METTL17: variants seen among roughly 807,000 people sequenced by gnomAD.
METTL17 encodes methyltransferase like 17.
Under a neutral mutation model 59.4 loss-of-function variants are expected in METTL17, and 49 were observed. That is an observed-to-expected ratio of 0.82 (90% CI 0.66 to 1.05). The LOEUF is 1.05. METTL17 is among the 50% of genes least tolerant of loss of function. METTL17 has a pLI of 0.00. For missense variants in METTL17, 555 were observed against 578.4 expected (o/e 0.96, Z 0.41); for synonymous variants, 208 against 209.2 (o/e 0.99, Z 0.05).
intron 6 of METTL17, chr14:20,993,760 A>C (rs941808289): frequency 4.7e-5 from 17 of 364,148 alleles, no homozygotes. Context: ...AGCATGAGCC[A>C]CTGTGCCCAG....
chr14:20,994,479 G>T, intron 7 of METTL17, 64 bp from the exon 8 acceptor site: 1 of 1,340,968 alleles, frequency 7.5e-7, no homozygotes, highest in South Asian at 1.2e-5. Flanking sequence ...TTCTTATCTG[G>T]ATATCTCTTC....
Position 20,996,263 on chromosome 14 carries a change from C to A in METTL17, c.1051C>A (p.Gln351Lys). 6.2e-7 allele frequency: 1 copy of A among 1,614,160 alleles called. No homozygotes were observed. The highest frequency in any genetic ancestry group is 8.5e-7 in the Non-Finnish European group (1 of 1,180,032). Reference protein sequence around the residue: ...QLTNLACSFSQAYHPIPFSWN... With the variant: ...QLTNLACSFSKAYHPIPFSWN... ...GACCAACCTGGCCTGTAGCTTCTCA[C>A]AGGCGTACCATCCCATCCCCTTCAG... Residue 351 changes from glutamine to lysine, a missense_variant, in exon 12 of 14, where the codon CAG becomes AAG. Coordinates refer to ENST00000339374, the MANE Select transcript of METTL17 (RefSeq NM_022734.3).
chr14:20,991,374 TC>T (rs1252945114), intron 3 of METTL17, among the ~76,000 whole-genome samples: 3 of 152,160 alleles, frequency 2.0e-5, no homozygotes, highest in Non-Finnish European at 4.4e-5. Flanking sequence ...TCACAGTAGT[TC>T]AGTAGATACT....
chr14:20,994,842 AG>A lies in METTL17; in HGVS notation c.818del (p.Ser273ThrfsTer8), dbSNP rs1204795725. 1.2e-6 allele frequency: 2 copies of A among 1,614,072 alleles called. No homozygotes were observed. The highest frequency in any genetic ancestry group is 1.7e-6 in the Non-Finnish European group (2 of 1,180,028). ...AGCTTTTTCCTTAAGTGAACTGCCC[AG>A]CAAGGCTGACCGCACTGAGGTAGTT... is the stretch of plus-strand genomic sequence containing the variant. ...VSAFSLSELP[S>X]KADRTEVVQT... is the part of the protein sequence containing the mutation. On this transcript the variant is annotated frameshift_variant, in exon 9 of 14. Transcript: ENST00000339374. LOFTEE classifies it high-confidence loss of function.
intron 9 of METTL17, 78 bp from the exon 10 acceptor site, chr14:20,995,087 A>C (rs1204872663): frequency 2.2e-6 from 3 of 1,375,284 alleles, no homozygotes; most frequent in African/African-American, 1.4e-5. Flanking sequence ...TCCCTCTATG[A>C]TTGCTCTTAC....
intron 3 of METTL17, chr14:20,991,908 T>G: frequency 2.1e-6 from 1 of 470,164 alleles, no homozygotes; most frequent in Non-Finnish European, 3.8e-6. Flanking sequence ...GAATAAACCA[T>G]TCTTATAAAT....
At chr14:20,995,046 T>C in intron 9 of METTL17, 119 bp from the exon 10 acceptor site, 1 of 1,146,594 alleles carries the variant, frequency 8.7e-7, no homozygotes, top group Non-Finnish European at 1.3e-6. Flanking sequence ...ATCCTGATTA[T>C]GTAATGCCTA....
At chr14:20,994,405 A>C (rs1594342915) in intron 7 of METTL17, 138 bp from the exon 8 acceptor site, 1 of 763,250 alleles carries the variant, frequency 1.3e-6, no homozygotes, top group South Asian at 1.7e-5. Context: ...ACAGGCACGC[A>C]CCGCCATACC....
In METTL17 at chr14:20,993,414, TAAAAAG is replaced by T. The variant is rs1880147483; in HGVS notation, c.602+228_602+233del. ...AAAAAAGGCGCATGTGTAGAAAAAT[TAAAAAG>T]AAAAGGAATTATCAATCAAAGTTGT... On this transcript the variant is annotated intron_variant, in intron 6 of 13. Transcript: ENST00000339374. The T allele has an allele frequency of 8.2e-6, 4 of 487,596 alleles. No individual in the cohort carries two copies. In the South Asian group the frequency reaches 1.2e-4, roughly 15 times the overall value. The allele number at this position is 487,596 out of a possible 1,614,324, so 30.2% of individuals were successfully genotyped here. A position where few individuals can be genotyped will look rare whatever the true frequency, so the allele number is the denominator to read the frequency against.
rs758191043 is a variant in METTL17 at position 20,990,499 on chromosome 14, A to G, written c.265A>G (p.Thr89Ala). Residue 89 changes from threonine to alanine, a missense_variant, in exon 3 of 14, where the codon ACA becomes GCA. By Grantham distance (58) the Thr-to-Ala change is moderately conservative. Transcript: ENST00000339374. ...GCCCACTATGGAGAATCAGGTGCAA[A>G]CACTGACCAGTTATCTCTGGAGCAG... ...AGPTMENQVQ[T>A]LTSYLWSRHL... is the part of the protein sequence containing the mutation. 1 of 1,614,214 alleles carries G rather than the reference A, an allele frequency of 6.2e-7. No individual in the cohort carries two copies. The highest frequency in any genetic ancestry group is 8.5e-7 in the Non-Finnish European group (1 of 1,180,036).
rs1879941396 is a variant in METTL17 at position 20,990,055 on chromosome 14, T to C, written c.53T>C (p.Leu18Pro). 1.9e-6 allele frequency: 3 copies of C among 1,613,450 alleles called. No homozygotes were observed. The highest frequency in any genetic ancestry group is 2.7e-5 in the African/African-American group (2 of 75,048). Residue 18 changes from leucine (L) to proline (P), a missense_variant, in exon 1 of 14, where the codon CTT becomes CCT. Physicochemically the swap from Leu to Pro is moderately conservative, Grantham distance 98. Transcript: ENST00000339374. The part of the protein sequence containing the change: ...LLTLGRWCPG[L>P]GVAPQARALA... ...ACATTAGGAAGATGGTGCCCCGGCC[T>C]TGGAGTGGCTCCCCAGGCCCGGGTG...
chr14:20,990,259 C>T lies in METTL17; in HGVS notation c.105C>T (p.Thr35=), dbSNP rs1459655261. The T allele has an allele frequency of 5.0e-6, 8 of 1,614,222 alleles. No homozygotes were observed. The highest frequency in any genetic ancestry group is 5.9e-6 in the Non-Finnish European group (7 of 1,180,042). Residue 35 remains threonine (T), a synonymous_variant, in exon 2 of 14, where the codon ACC becomes ACT. Transcript: ENST00000339374. Reference sequence around the variant, plus strand: ...TCGCCGCCTTAGTACCCGGAGTGACCCAGGTAGATAACAAGTCCGGTTTCC... The same window carrying T: ...TCGCCGCCTTAGTACCCGGAGTGACTCAGGTAGATAACAAGTCCGGTTTCC... ...RALAALVPGV[T]QVDNKSGFLQ...
intron 7 of METTL17, 107 bp downstream of exon 7, chr14:20,994,170 C>A: frequency 1.3e-6 from 1 of 797,676 alleles, no homozygotes; most frequent in Non-Finnish European, 2.1e-6. Context: ...TAAGATGAAT[C>A]TGGTTTACTT....
At chr14:20,995,076 C>A in intron 9 of METTL17, 89 bp from the exon 10 acceptor site, 2 of 1,296,556 alleles carry the variant, frequency 1.5e-6, no homozygotes, top group Non-Finnish European at 2.2e-6. Flanking sequence ...AGGACTCCTT[C>A]TCCCTCTATG....
chr14:20,990,568 C>T lies in METTL17; in HGVS notation c.334C>T (p.His112Tyr). The T allele has an allele frequency of 6.2e-7, 1 of 1,614,172 alleles. No homozygotes were observed. Among genetic ancestry groups the T allele is most frequent in the Non-Finnish European group, 8.5e-7 (1 of 1,180,024 alleles). Residue 112 changes from histidine (H) to tyrosine (Y), a missense_variant, in exon 3 of 14, where the codon CAT (histidine) becomes TAT (tyrosine). His to Tyr is a moderately conservative substitution (Grantham distance 83). Coordinates refer to ENST00000339374, the MANE Select transcript of METTL17 (RefSeq NM_022734.3). Reference protein sequence around the residue: ...EPEELQRRARHLEKKFLENPD... With the variant: ...EPEELQRRARYLEKKFLENPD... ...AGAGGAGTTGCAAAGACGGGCTAGG[C>T]ATCTTGAGAAAAAATTCCTGGAAAA...
Position 20,990,161 on chromosome 14 carries a change from C to A in METTL17, c.76-69C>A, listed in dbSNP as rs540057344. On this transcript the variant is annotated intron_variant, in intron 1 of 13. Coordinates refer to ENST00000339374, the MANE Select transcript of METTL17 (RefSeq NM_022734.3). ...GCAGAGGAGGAGCGCTCCTGGCAGC[C>A]CCCGCCCTAGCGATTGCCAGCAACT... is the stretch of plus-strand genomic sequence containing the variant. The A allele has an allele frequency of 1.9e-6, 3 of 1,612,112 alleles. No individual in the cohort carries two copies. The Admixed American group carries it at 5.0e-5, about 27-fold the overall frequency.
chr14:20,994,484 C>T, intron 7 of METTL17, 59 bp from the exon 8 acceptor site: 1 of 1,378,592 alleles, frequency 7.3e-7, no homozygotes, highest in Non-Finnish European at 1.0e-6. Flanking sequence ...ATCTGGATAT[C>T]TCTTCAGTTT....
intron 3 of METTL17, 39 bp from the exon 4 acceptor site, chr14:20,992,085 T>C (rs1187721359): frequency 6.3e-7 from 1 of 1,596,648 alleles, no homozygotes; most frequent in African/African-American, 1.3e-5. Flanking sequence ...AGCCCTGTTC[T>C]CCCTAGGTCC....
At chr14:20,993,810 CAAG>C (rs750449985) in intron 6 of METTL17, 156 bp from the exon 7 acceptor site, 23 of 440,676 alleles carry the variant, frequency 5.2e-5, no homozygotes, top group Non-Finnish European at 8.5e-5. Flanking sequence ...GTAAATAAAA[CAAG>C]AAAATAACAC....
Sources: gnomAD v4.1 joint callset for allele counts (sites outside exome capture counted in the v4.1 genomes callset) on GRCh38, gnomAD v4.1.1 for gene constraint, MANE v1.5 for transcripts, NCBI Gene and HGNC (gene_info 2026-07-23, HGNC 2026-07-21) for gene names.